The following CPQ variants were observed in gnomAD, a reference collection of about 807,000 sequenced individuals.
The protein encoded by CPQ is carboxypeptidase Q.
A neutral mutation model predicts 45.7 loss-of-function variants in CPQ; 37 were observed. The observed-to-expected ratio is 0.81, with a 90% CI of 0.62 to 1.07. CPQ has a LOEUF of 1.07. Among genes scored for constraint, CPQ ranks in the 50% least tolerant of loss-of-function variants. CPQ has a pLI of 0.00. For synonymous variants in CPQ, 186 were observed against 205.8 expected (o/e 0.90, Z 0.82); for missense variants, 537 against 572.9 (o/e 0.94, Z 0.64).
chr8:97,070,576 C>T (rs1413532812), intron 7 of CPQ, among the ~76,000 whole-genome samples: 1 of 151,812 alleles, frequency 6.6e-6, no homozygotes, highest in Non-Finnish European at 1.5e-5. Flanking sequence ...ATACTAAGAG[C>T]CAAAAATGTA....
chr8:97,133,759 A>G (rs193190052), intron 7 of CPQ, among the ~76,000 whole-genome samples: 1 of 152,342 alleles, frequency 6.6e-6, no homozygotes, highest in East Asian at 1.9e-4. Context: ...CTTTAAGTTG[A>G]CATGTAACTT....
intron 6 of CPQ, among the ~76,000 whole-genome samples, chr8:97,056,825 C>T (rs1225222988): frequency 6.6e-6 from 1 of 152,170 alleles, no homozygotes; most frequent in Non-Finnish European, 1.5e-5. Context: ...AACAAGATCC[C>T]TGCTCTCATG....
At chr8:96,846,846 A>G (rs1295590542) in intron 3 of CPQ, among the ~76,000 whole-genome samples, 1 of 152,208 alleles carries the variant, frequency 6.6e-6, no homozygotes, top group Non-Finnish European at 1.5e-5. Flanking sequence ...AATCAAGGAC[A>G]TACATTACAT....
intron 1 of CPQ, among the ~76,000 whole-genome samples, chr8:96,715,282 C>T (rs566475811): frequency 6.6e-6 from 1 of 152,218 alleles, no homozygotes; most frequent in East Asian, 1.9e-4. Flanking sequence ...TTTAGGCAGC[C>T]ACATTAGCTT....
intron 4 of CPQ, among the ~76,000 whole-genome samples, chr8:96,963,909 T>A (rs1438178461): frequency 1.3e-5 from 2 of 152,148 alleles, no homozygotes; most frequent in Non-Finnish European, 1.5e-5. Context: ...GATTTATACA[T>A]CATGTGTTAT....
At chr8:97,089,243 C>CAAAA (rs61075671) in intron 7 of CPQ, among the ~76,000 whole-genome samples, 1 of 122,384 alleles carries the variant, frequency 8.2e-6, no homozygotes, top group Middle Eastern at 4.2e-3. Context: ...AGCTCAGTCT[C>CAAAA]AAAAAAAAAA....
chr8:97,057,140 G>A (rs1054108052), intron 6 of CPQ, among the ~76,000 whole-genome samples: 28 of 152,074 alleles, frequency 1.8e-4, no homozygotes, highest in African/African-American at 6.8e-4. Flanking sequence ...CAAGACAGGG[G>A]ATGTAAACTG....
At chr8:97,105,692 C>T (rs1811392466) in intron 7 of CPQ, among the ~76,000 whole-genome samples, 1 of 152,110 alleles carries the variant, frequency 6.6e-6, no homozygotes, top group South Asian at 2.1e-4. Flanking sequence ...TATCTAAAAG[C>T]ATTGGTCACG....
chr8:96,979,592 A>G (rs1026239251), intron 5 of CPQ, among the ~76,000 whole-genome samples: 2 of 152,286 alleles, frequency 1.3e-5, no homozygotes, highest in East Asian at 3.9e-4. Context: ...GTTCCAGTAA[A>G]CTTGCCTAAA....
intron 6 of CPQ, among the ~76,000 whole-genome samples, chr8:97,032,477 C>T (rs1432620924): frequency 1.3e-5 from 2 of 152,240 alleles, no homozygotes; most frequent in Non-Finnish European, 2.9e-5. Context: ...CATACAGGCA[C>T]TGGCTGAGCA....
intron 1 of CPQ, among the ~76,000 whole-genome samples, chr8:96,752,776 G>C (rs901795831): frequency 1.3e-5 from 2 of 151,970 alleles, no homozygotes; most frequent in African/African-American, 4.8e-5. Flanking sequence ...GTCATATATG[G>C]CTCTGATTAT....
intron 1 of CPQ, among the ~76,000 whole-genome samples, chr8:96,703,628 C>G (rs193240704): frequency 5.4e-4 from 82 of 152,086 alleles, no homozygotes; most frequent in Admixed American, 5.1e-3. Flanking sequence ...TTGTTGAGTA[C>G]TAGCTACTGG....
At chr8:97,031,069 T>C (rs1337303059) in intron 6 of CPQ, among the ~76,000 whole-genome samples, 1 of 152,072 alleles carries the variant, frequency 6.6e-6, no homozygotes, top group African/African-American at 2.4e-5. Flanking sequence ...ATATGAATCA[T>C]ATTTAGACGT....
At chr8:96,676,544 A>G (rs981317146) in intron 1 of CPQ, among the ~76,000 whole-genome samples, 35 of 151,844 alleles carry the variant, frequency 2.3e-4, no homozygotes, top group African/African-American at 7.2e-4. Flanking sequence ...CATTTTCTTT[A>G]TCCAGTCTTC....
At chr8:96,719,419 C>T (rs1403250910) in intron 1 of CPQ, among the ~76,000 whole-genome samples, 1 of 152,232 alleles carries the variant, frequency 6.6e-6, no homozygotes, top group Non-Finnish European at 1.5e-5. Flanking sequence ...GGAACTCCAG[C>T]TGTTCCGCAA....
intron 7 of CPQ, among the ~76,000 whole-genome samples, chr8:97,135,312 T>C (rs572218357): frequency 6.6e-5 from 10 of 152,256 alleles, no homozygotes; most frequent in Admixed American, 2.6e-4. Flanking sequence ...CTTTCATTTT[T>C]TCCCCCTCTT....
intron 1 of CPQ, among the ~76,000 whole-genome samples, chr8:96,754,959 T>A (rs947361192): frequency 3.3e-5 from 5 of 152,046 alleles, no homozygotes; most frequent in African/African-American, 1.2e-4. Flanking sequence ...TTAATCTACT[T>A]ATCTCTTCCA....
intron 4 of CPQ, among the ~76,000 whole-genome samples, chr8:96,961,560 T>C (rs1813461808): frequency 6.6e-6 from 1 of 152,214 alleles, no homozygotes; most frequent in Non-Finnish European, 1.5e-5. Context: ...GTTAAATTTA[T>C]ACATCTACTA....
intron 6 of CPQ, among the ~76,000 whole-genome samples, chr8:97,063,039 T>A (rs1193435469): frequency 4.6e-5 from 7 of 152,178 alleles, no homozygotes. Context: ...TGTCTCTAGG[T>A]CTTTGAGGAG....
Sources: allele counts gnomAD v4.1 joint callset (sites outside exome capture counted in the v4.1 genomes callset), GRCh38; gene constraint gnomAD v4.1.1; transcripts MANE v1.5; gene names NCBI Gene and HGNC (gene_info 2026-07-23, HGNC 2026-07-21).